Variants in AGBL4 observed in about 807,000 individuals in gnomAD.
AGBL4 encodes cytosolic carboxypeptidase 6.
In AGBL4, 58 loss-of-function variants were observed where a neutral mutation model predicts 66.4. The observed-to-expected ratio is 0.87, with a 90% confidence interval of 0.71 to 1.09. The LOEUF (loss-of-function observed/expected upper bound fraction) is 1.09, where lower values mean the gene tolerates loss of function less well. AGBL4 is among the 50% of genes least tolerant of loss of function. The probability of loss-of-function intolerance (pLI) is 0.00; values close to 1 mark genes in which losing one functional copy is unlikely to be tolerated. For missense variants in AGBL4, 579 were observed against 631.0 expected (o/e 0.92, Z 0.88); for synonymous variants, 234 against 222.9 (o/e 1.05, Z -0.44).
At chr1:49,646,192 T>C (rs529136582) in intron 3 of AGBL4, among the ~76,000 whole-genome samples, 127 of 151,878 alleles carry the variant, frequency 8.4e-4, no homozygotes, top group African/African-American at 2.9e-3. Context: ...GCAAAACAAG[T>C]AAATAAAAGG....
intron 7 of AGBL4, among the ~76,000 whole-genome samples, chr1:48,655,994 C>T (rs543581367): frequency 2.6e-5 from 4 of 152,338 alleles, no homozygotes; most frequent in Admixed American, 2.0e-4. Context: ...GGAGAATAAT[C>T]TCCCTCCTGC....
chr1:48,648,838 C>T (rs1645880602), intron 8 of AGBL4, among the ~76,000 whole-genome samples: 1 of 152,196 alleles, frequency 6.6e-6, no homozygotes, highest in African/African-American at 2.4e-5. Flanking sequence ...CAGGTTAAAG[C>T]ATAGCAGTGT....
chr1:49,857,655 G>A (rs1646467818), intron 1 of AGBL4, among the ~76,000 whole-genome samples: 1 of 152,156 alleles, frequency 6.6e-6, no homozygotes, highest in Non-Finnish European at 1.5e-5. Flanking sequence ...AAATGGTGCT[G>A]TGAAAACTGA....
intron 6 of AGBL4, among the ~76,000 whole-genome samples, chr1:48,819,207 T>G (rs550746043): frequency 2.8e-4 from 42 of 152,262 alleles, no homozygotes; most frequent in Admixed American, 2.4e-3. Context: ...GATAAAGCAT[T>G]CTGGAAAAAT....
intron 1 of AGBL4, among the ~76,000 whole-genome samples, chr1:50,005,884 C>T (rs1435194167): frequency 1.3e-5 from 2 of 152,152 alleles, no homozygotes; most frequent in Non-Finnish European, 2.9e-5. Flanking sequence ...ATCAGAGTCT[C>T]TTAATAGCAG....
At chr1:49,131,342 A>G (rs906750829) in intron 4 of AGBL4, among the ~76,000 whole-genome samples, 1 of 152,072 alleles carries the variant, frequency 6.6e-6, no homozygotes, top group Non-Finnish European at 1.5e-5. Context: ...ACATTTGTCA[A>G]AATTCGTTGA....
chr1:49,587,293 AAAAAG>A (rs1207975996), intron 3 of AGBL4, among the ~76,000 whole-genome samples: 1 of 151,784 alleles, frequency 6.6e-6, no homozygotes, highest in Non-Finnish European at 1.5e-5. Flanking sequence ...AAAAGAAAAG[AAAAAG>A]AAAAGAGAAG....
intron 1 of AGBL4, among the ~76,000 whole-genome samples, chr1:49,981,282 T>A (rs2148384852): frequency 1.3e-5 from 2 of 152,306 alleles, no homozygotes; most frequent in Admixed American, 1.3e-4. Flanking sequence ...CAATGCATTA[T>A]TTTTGTAGTT....
intron 4 of AGBL4, among the ~76,000 whole-genome samples, chr1:49,046,352 T>C (rs1392956153): frequency 6.6e-6 from 1 of 152,200 alleles, no homozygotes; most frequent in African/African-American, 2.4e-5. Context: ...TAAACTCATA[T>C]GCATTGTATA....
At chr1:48,704,318 G>A (rs1382553113) in intron 6 of AGBL4, among the ~76,000 whole-genome samples, 8 of 152,206 alleles carry the variant, frequency 5.3e-5, no homozygotes, top group African/African-American at 1.7e-4. Flanking sequence ...TACTGTGCAC[G>A]AGTGTAGACT....
intron 4 of AGBL4, among the ~76,000 whole-genome samples, chr1:49,097,935 C>G (rs1265435544): frequency 6.6e-6 from 1 of 152,204 alleles, no homozygotes; most frequent in Non-Finnish European, 1.5e-5. Context: ...TAGGCACAGT[C>G]CTATTATGGA....
intron 3 of AGBL4, among the ~76,000 whole-genome samples, chr1:49,625,674 A>G (rs1361107329): frequency 6.6e-6 from 1 of 152,212 alleles, no homozygotes; most frequent in Non-Finnish European, 1.5e-5. Context: ...GGAAGCCAAT[A>G]GTTCATTATA....
chr1:48,950,565 C>T (rs951799819), intron 5 of AGBL4, among the ~76,000 whole-genome samples: 5 of 152,176 alleles, frequency 3.3e-5, no homozygotes, highest in African/African-American at 1.2e-4. Flanking sequence ...GTGCCAATGG[C>T]TCAGTAGGTA....
chr1:49,911,092 T>C (rs1333521102), intron 1 of AGBL4, among the ~76,000 whole-genome samples: 2 of 152,192 alleles, frequency 1.3e-5, no homozygotes, highest in East Asian at 3.8e-4. Context: ...ATTGAGATTA[T>C]AGATTTTGCT....
At chr1:49,845,564 C>A (rs1646118338) in intron 2 of AGBL4, 3 of 1,600,804 alleles carry the variant, frequency 1.9e-6, no homozygotes, top group South Asian at 1.1e-5. Context: ...CAAATCCACA[C>A]AGGGGAGAAG....
At chr1:49,037,050 C>A (rs1169654204) in intron 5 of AGBL4, among the ~76,000 whole-genome samples, 2 of 151,784 alleles carry the variant, frequency 1.3e-5, no homozygotes, top group African/African-American at 4.8e-5. Flanking sequence ...CACATGTACC[C>A]TAAAACTTAA....
At chr1:50,010,600 G>A (rs1353985973) in intron 1 of AGBL4, among the ~76,000 whole-genome samples, 1 of 151,898 alleles carries the variant, frequency 6.6e-6, no homozygotes, top group Non-Finnish European at 1.5e-5. Flanking sequence ...AAATAGCATG[G>A]TACTGGCATA....
At position 49,838,826 on chromosome 1, in the gene AGBL4, G is replaced by T. The variant is rs140643225; in HGVS notation, c.157+12570C>A. 1.2e-3 allele frequency among the ~76,000 whole-genome samples: 182 copies of T among 152,054 alleles called. 1 individual carries two copies. The highest frequency in any genetic ancestry group is 6.8e-3 in the Middle Eastern group (2 of 294). ...ACATACACATACTATAATCATTCTA[G>T]TGGTACCTTAAATTGTTATTTAAAA... On this transcript the variant is annotated intron_variant, in intron 2 of 13. Coordinates refer to ENST00000371839, the MANE Select transcript of AGBL4 (RefSeq NM_032785.4).
chr1:49,091,690 AAGG>A (rs1200902008), intron 4 of AGBL4, among the ~76,000 whole-genome samples: 1 of 152,168 alleles, frequency 6.6e-6, no homozygotes, highest in Admixed American at 6.6e-5. Context: ...TATACACCCA[AAGG>A]AATATAAGTC....
Sources: gnomAD v4.1 joint callset for allele counts (sites outside exome capture counted in the v4.1 genomes callset) on GRCh38, gnomAD v4.1.1 for gene constraint, MANE v1.5 for transcripts, NCBI Gene and HGNC (gene_info 2026-07-23, HGNC 2026-07-21) for gene names.